L3MBTL4: variants seen among roughly 807,000 people sequenced by gnomAD.
The protein encoded by L3MBTL4 is lethal(3)malignant brain tumor-like protein 4.
In L3MBTL4, 70 loss-of-function variants were observed where a neutral mutation model predicts 84.5. The ratio of observed to expected loss-of-function variants is 0.83; its 90% CI spans 0.68 to 1.01. The LOEUF is 1.01. L3MBTL4 is among the 50% of genes least tolerant of loss of function. The pLI, the probability that L3MBTL4 is intolerant of heterozygous loss-of-function variation, is 0.00. For synonymous variants in L3MBTL4, 274 were observed against 259.8 expected, an observed-to-expected ratio of 1.05 and a Z score of -0.52; for missense variants, 715 against 754.8, an observed-to-expected ratio of 0.95 and a Z score of 0.62.
intron 14 of L3MBTL4, among the ~76,000 whole-genome samples, chr18:6,109,430 G>A (rs1406194037): frequency 1.3e-5 from 2 of 152,012 alleles, no homozygotes; most frequent in Non-Finnish European, 2.9e-5. Context: ...CAAGTTCCTG[G>A]GCACCAGTGA....
chr18:6,164,624 C>T (rs183899085), intron 13 of L3MBTL4, among the ~76,000 whole-genome samples: 1 of 152,136 alleles, frequency 6.6e-6, no homozygotes, highest in East Asian at 1.9e-4. Context: ...AGGGTCCTGA[C>T]CATTAGAAGG....
intron 4 of L3MBTL4, among the ~76,000 whole-genome samples, chr18:6,275,218 A>G (rs2049031843): frequency 6.6e-6 from 1 of 152,114 alleles, no homozygotes; most frequent in African/African-American, 2.4e-5. Context: ...TGCAGCATTT[A>G]AGATGTGGGT....
intron 12 of L3MBTL4, among the ~76,000 whole-genome samples, chr18:6,209,101 T>A (rs868538908): frequency 6.6e-6 from 1 of 152,198 alleles, no homozygotes; most frequent in African/African-American, 2.4e-5. Flanking sequence ...TAGAGAATAC[T>A]GGCTTCTGAA....
Position 6,239,877 on chromosome 18 carries a change from C to T in L3MBTL4, c.553-5G>A, listed in dbSNP as rs374889143. ...TTCTTTAGACATTGGCCCATTCTAA[C>T]GCAGCACCAGCAGGGGAAGAAGCAC... On this transcript the variant is annotated splice_polypyrimidine_tract_variant and splice_region_variant and intron_variant, in intron 8 of 18. Transcript: ENST00000317931. 5.8e-5 allele frequency: 93 copies of T among 1,613,944 alleles called. No individual in the cohort carries two copies. The highest frequency in any genetic ancestry group is 7.0e-5 in the Non-Finnish European group (83 of 1,180,010).
chr18:6,294,440 G>A (rs914103438), intron 4 of L3MBTL4, among the ~76,000 whole-genome samples: 7 of 152,130 alleles, frequency 4.6e-5, no homozygotes, highest in African/African-American at 1.7e-4. Context: ...TAATTATGCT[G>A]AGCAAAAATC....
At chr18:6,192,239 G>C (rs2045142204) in intron 12 of L3MBTL4, among the ~76,000 whole-genome samples, 1 of 152,110 alleles carries the variant, frequency 6.6e-6, no homozygotes, top group Non-Finnish European at 1.5e-5. Context: ...AGTGGAGTCA[G>C]AAAATGATGT....
chr18:6,168,247 C>T (rs1471371639), intron 13 of L3MBTL4, among the ~76,000 whole-genome samples: 1 of 152,096 alleles, frequency 6.6e-6, no homozygotes, highest in Non-Finnish European at 1.5e-5. Flanking sequence ...AATGGCCATA[C>T]TGCCCAAGGT....
chr18:6,410,024 G>A (rs140336802), intron 1 of L3MBTL4, among the ~76,000 whole-genome samples: 249 of 151,950 alleles, frequency 1.6e-3, no homozygotes, highest in African/African-American at 5.7e-3. Context: ...CCCGCTCCCC[G>A]GCCCAAGGTC....
intron 16 of L3MBTL4, among the ~76,000 whole-genome samples, chr18:6,043,354 C>T (rs2056483484): frequency 6.6e-6 from 1 of 152,178 alleles, no homozygotes; most frequent in African/African-American, 2.4e-5. Context: ...GAGCCACTCA[C>T]TCTCTCCCCA....
intron 1 of L3MBTL4, among the ~76,000 whole-genome samples, chr18:6,412,264 TA>T (rs1568624604): frequency 6.6e-6 from 1 of 152,164 alleles, no homozygotes; most frequent in African/African-American, 2.4e-5. Context: ...CAGTGTTGTA[TA>T]AATGGAATTT....
At chr18:6,256,265 T>A (rs2048134499) in intron 5 of L3MBTL4, among the ~76,000 whole-genome samples, 1 of 152,176 alleles carries the variant, frequency 6.6e-6, no homozygotes, top group African/African-American at 2.4e-5. Flanking sequence ...GATAGAAAAA[T>A]TCCATTTTTA....
At chr18:5,968,972 C>T (rs961486766) in intron 17 of L3MBTL4, among the ~76,000 whole-genome samples, 4 of 152,078 alleles carry the variant, frequency 2.6e-5, no homozygotes, top group African/African-American at 7.2e-5. Flanking sequence ...CAAATGGATC[C>T]TTGAGGTGCA....
At chr18:6,160,817 C>CT (rs1343413537) in intron 13 of L3MBTL4, among the ~76,000 whole-genome samples, 1 of 151,278 alleles carries the variant, frequency 6.6e-6, no homozygotes, top group African/African-American at 2.4e-5. Context: ...AGTCTATCAT[C>CT]TAGCTTCTCA....
At chr18:5,966,560 G>C (rs913802456) in intron 17 of L3MBTL4, among the ~76,000 whole-genome samples, 1 of 152,108 alleles carries the variant, frequency 6.6e-6, no homozygotes, top group Non-Finnish European at 1.5e-5. Context: ...CACACCTTGG[G>C]AAATGCACCT....
At chr18:6,298,352 T>C (rs2050191692) in intron 4 of L3MBTL4, among the ~76,000 whole-genome samples, 1 of 152,216 alleles carries the variant, frequency 6.6e-6, no homozygotes, top group Admixed American at 6.5e-5. Context: ...TTTATGCCCT[T>C]TGCCTGTTTT....
rs546814726 is a variant in L3MBTL4, at chr18:6,215,630, A to G, written c.870+120T>C. 298 of 506,690 alleles carry G rather than the reference A, an allele frequency of 5.9e-4. 2 individuals are homozygous for G. Among genetic ancestry groups the G allele is most frequent in the South Asian group, 5.0e-4 (11 of 22,128 alleles). 31.4% of individuals were successfully genotyped at this position (506,690 alleles called of 1,614,324 possible). On this transcript the variant is annotated intron_variant, in intron 11 of 18. Transcript: ENST00000317931. The stretch of plus-strand genomic sequence containing the variant: ...TAACTAAAAGAAAAGCATATTGGTT[A>G]TGAAATTACTACTTGAATTTAGAAA...
chr18:6,245,398 G>C (rs1456829569), intron 5 of L3MBTL4, among the ~76,000 whole-genome samples: 2 of 151,882 alleles, frequency 1.3e-5, no homozygotes, highest in African/African-American at 4.8e-5. Context: ...CTGTACCCTG[G>C]ATAGCATCAC....
chr18:6,408,560 T>C (rs62079208), intron 1 of L3MBTL4, among the ~76,000 whole-genome samples: 40,266 of 152,088 alleles, frequency 0.26, 6,123 homozygotes, highest in East Asian at 0.42. Context: ...CTTTAGAACA[T>C]ATAAGATCCA....
At chr18:6,389,055 A>G (rs56041135) in intron 1 of L3MBTL4, among the ~76,000 whole-genome samples, 1,565 of 152,324 alleles carry the variant, frequency 0.01, 24 homozygotes, top group African/African-American at 0.035. Flanking sequence ...GTCACAAGGT[A>G]CAGGTATCAC....
Sources: gnomAD v4.1 joint callset for allele counts (sites outside exome capture counted in the v4.1 genomes callset) on GRCh38, gnomAD v4.1.1 for gene constraint, MANE v1.5 for transcripts, NCBI Gene and HGNC (gene_info 2026-07-23, HGNC 2026-07-21) for gene names.